CLASP2: variants seen among roughly 807,000 people sequenced by gnomAD.
CLASP2 encodes cytoplasmic linker associated protein 2, also known as CLIP-associating protein 2.
CLASP2 carries 47 observed loss-of-function variants against 194.4 expected under a neutral mutation model. That is an observed-to-expected ratio of 0.24 (90% CI 0.19 to 0.31). The LOEUF (loss-of-function observed/expected upper bound fraction) is 0.31, where lower values mean the gene tolerates loss of function less well. Ranked by LOEUF, CLASP2 falls within the 10% of genes least tolerant of loss-of-function variation. The pLI is 1.00. For synonymous variants in CLASP2, 619 were observed against 633.5 expected, an observed-to-expected ratio of 0.98 and a Z score of 0.34; for missense variants, 1,445 against 1,823.6, an observed-to-expected ratio of 0.79 and a Z score of 3.78.
intron 20 of CLASP2, among the ~76,000 whole-genome samples, chr3:33,593,523 A>G (rs568949382): frequency 6.6e-6 from 1 of 152,214 alleles, no homozygotes; most frequent in Non-Finnish European, 1.5e-5. Flanking sequence ...AAATTAAGAA[A>G]TGAGTGAGAA....
chr3:33,586,173 C>T (rs1463453651), intron 21 of CLASP2, among the ~76,000 whole-genome samples: 1 of 151,678 alleles, frequency 6.6e-6, no homozygotes, highest in African/African-American at 2.4e-5. Context: ...CTTGCTCTGT[C>T]ACCCAGGCTG....
chr3:33,544,574 TGCTGCC>T, intron 31 of CLASP2, 118 bp downstream of exon 31: 1 of 821,520 alleles, frequency 1.2e-6, no homozygotes, highest in South Asian at 2.1e-5. Flanking sequence ...GCTCAGGAAA[TGCTGCC>T]AAATAAAGAT....
chr3:33,594,001 A>C (rs2069532701), intron 20 of CLASP2, among the ~76,000 whole-genome samples: 1 of 152,034 alleles, frequency 6.6e-6, no homozygotes, highest in Non-Finnish European at 1.5e-5. Flanking sequence ...GTGCCACCAC[A>C]CCCAGCTAAA....
intron 21 of CLASP2, among the ~76,000 whole-genome samples, chr3:33,587,415 C>T (rs573675678): frequency 9.2e-5 from 14 of 152,256 alleles, no homozygotes; most frequent in Admixed American, 9.1e-4. Context: ...TGAGCCACCG[C>T]ACCCGGCCGA....
chr3:33,501,812 G>C (rs1383582401), intron 37 of CLASP2, 44 bp from the exon 38 acceptor site: 8 of 1,199,114 alleles, frequency 6.7e-6, no homozygotes, highest in Non-Finnish European at 3.7e-6. Flanking sequence ...GAAGTCCACT[G>C]TTAGTACTCC....
At chr3:33,587,638 G>A (rs990396901) in intron 21 of CLASP2, among the ~76,000 whole-genome samples, 1 of 152,194 alleles carries the variant, frequency 6.6e-6, no homozygotes, top group Non-Finnish European at 1.5e-5. Flanking sequence ...TTATTCAAGT[G>A]TATTTTAAAA....
intron 5 of CLASP2, among the ~76,000 whole-genome samples, chr3:33,685,524 T>C (rs2090550469): frequency 6.6e-6 from 1 of 152,092 alleles, no homozygotes; most frequent in South Asian, 2.1e-4. Context: ...ACAACAGCAT[T>C]ATTCACAACA....
intron 8 of CLASP2, among the ~76,000 whole-genome samples, chr3:33,634,814 A>C (rs1010018990): frequency 6.6e-6 from 1 of 152,208 alleles, no homozygotes; most frequent in Non-Finnish European, 1.5e-5. Context: ...TATATAGTAA[A>C]ATCATTCAAA....
intron 9 of CLASP2, 95 bp from the exon 10 acceptor site, chr3:33,627,175 G>A: frequency 2.6e-6 from 1 of 384,336 alleles, no homozygotes. Flanking sequence ...CACCTATTAA[G>A]TTTATTTCCC....
chr3:33,714,452 T>A (rs2093191931), intron 1 of CLASP2, among the ~76,000 whole-genome samples: 1 of 152,168 alleles, frequency 6.6e-6, no homozygotes, highest in Admixed American at 6.5e-5. Context: ...GTCACCCAAT[T>A]TATTTGTTCT....
chr3:33,673,330 T>C (rs1377065205), intron 6 of CLASP2, among the ~76,000 whole-genome samples: 3 of 152,124 alleles, frequency 2.0e-5, no homozygotes, highest in Non-Finnish European at 4.4e-5. Flanking sequence ...GAATTTCATA[T>C]CCAGCCAAAC....
At chr3:33,637,999 A>C (rs1381422738) in intron 8 of CLASP2, among the ~76,000 whole-genome samples, 1 of 152,224 alleles carries the variant, frequency 6.6e-6, no homozygotes, top group Non-Finnish European at 1.5e-5. Context: ...GTACATCAAT[A>C]ATGTGGAATA....
At chr3:33,506,817 T>C (rs376743843) in intron 37 of CLASP2, among the ~76,000 whole-genome samples, 2 of 152,352 alleles carry the variant, frequency 1.3e-5, no homozygotes, top group African/African-American at 4.8e-5. Context: ...TTCTATTTCA[T>C]TGATCTATTA....
chr3:33,523,565 A>C (rs2053725467), intron 34 of CLASP2, among the ~76,000 whole-genome samples: 1 of 152,238 alleles, frequency 6.6e-6, no homozygotes, highest in South Asian at 2.1e-4. Context: ...CATCTGTCAA[A>C]ACTGTCCTTC....
chr3:33,599,512 T>C (rs546757303), intron 18 of CLASP2, among the ~76,000 whole-genome samples: 2 of 152,196 alleles, frequency 1.3e-5, no homozygotes, highest in East Asian at 3.9e-4. Flanking sequence ...TCAAAATGCA[T>C]AAAACGCAAC....
chr3:33,540,496 C>A (rs1309041641), intron 32 of CLASP2, among the ~76,000 whole-genome samples: 1 of 152,076 alleles, frequency 6.6e-6, no homozygotes, highest in Non-Finnish European at 1.5e-5. Flanking sequence ...CCTGCCTTGG[C>A]CTCCCAAAGT....
chr3:33,671,071 C>A lies in CLASP2; in HGVS notation c.645-7556G>T, dbSNP rs115307815. ...AGAAATGGAAATCCCGAACTCCAGTCTCCTATACCCTTCCACCTGAAAAAA... is the reference window on the plus strand; with the variant it reads ...AGAAATGGAAATCCCGAACTCCAGTATCCTATACCCTTCCACCTGAAAAAA... On this transcript the variant is annotated intron_variant, in intron 6 of 38. Coordinates refer to ENST00000682230, the MANE Select transcript of CLASP2 (RefSeq NM_001365631.1). 6.2e-4 allele frequency among the ~76,000 whole-genome samples: 94 copies of A among 152,234 alleles called. 1 individual carries two copies. The highest frequency in any genetic ancestry group is 2.2e-3 in the African/African-American group (90 of 41,528).
rs1395180223 is a variant in CLASP2, at chr3:33,523,111, G to C, written c.3788-5937C>G. ...AACAAACAAACAAACAAATTCACTA[G>C]TGTAATTACTTAATAAGCATATTTG... On this transcript the variant is annotated intron_variant, in intron 34 of 38. Coordinates refer to ENST00000682230, the MANE Select transcript of CLASP2 (RefSeq NM_001365631.1). Among the ~76,000 whole-genome samples the C allele has an allele frequency of 4.6e-5, 7 of 152,030 alleles. No homozygotes were observed. In the East Asian group the frequency reaches 1.3e-3, roughly 29 times the overall value.
At chr3:33,590,385 T>C (rs1448010634) in intron 21 of CLASP2, among the ~76,000 whole-genome samples, 1 of 152,150 alleles carries the variant, frequency 6.6e-6, no homozygotes, top group Non-Finnish European at 1.5e-5. Context: ...TTGATGATCT[T>C]GTTAAAGATT....
Sources: allele counts gnomAD v4.1 joint callset (sites outside exome capture counted in the v4.1 genomes callset), GRCh38; gene constraint gnomAD v4.1.1; transcripts MANE v1.5; gene names NCBI Gene and HGNC (gene_info 2026-07-23, HGNC 2026-07-21).